Variants in TMEFF1 observed in about 807,000 individuals in gnomAD.
TMEFF1 encodes transmembrane protein with EGF like and two follistatin like domains 1, also known as tomoregulin-1.
In TMEFF1, 20 loss-of-function variants were observed where a neutral mutation model predicts 47.5. That is an observed-to-expected ratio of 0.42 (90% CI 0.30 to 0.61). The LOEUF is 0.61. Among genes scored for constraint, TMEFF1 ranks in the 20% least tolerant of loss-of-function variants. TMEFF1 has a pLI of 0.19. For missense variants in TMEFF1, 411 were observed against 471.1 expected (o/e 0.87, Z 1.18); for synonymous variants, 162 against 166.3 (o/e 0.97, Z 0.20).
At chr9:100,546,478 A>G (rs1424099793) in intron 5 of TMEFF1, among the ~76,000 whole-genome samples, 2 of 150,024 alleles carry the variant, frequency 1.3e-5, no homozygotes, top group African/African-American at 4.9e-5. Context: ...TGTGGGAGTT[A>G]CTATTCAAGA....
chr9:100,555,461 T>A (rs1838900054), intron 7 of TMEFF1, among the ~76,000 whole-genome samples: 1 of 152,188 alleles, frequency 6.6e-6, no homozygotes, highest in Non-Finnish European at 1.5e-5. Flanking sequence ...TTCCTACACA[T>A]CTCCTAGGAT....
At chr9:100,559,968 G>T (rs960888021) in intron 7 of TMEFF1, among the ~76,000 whole-genome samples, 2 of 151,958 alleles carry the variant, frequency 1.3e-5, no homozygotes, top group Admixed American at 1.3e-4. Context: ...CTGTCTATAT[G>T]TAAATTTTGA....
chr9:100,487,727 T>A (rs1837476481), intron 1 of TMEFF1, among the ~76,000 whole-genome samples: 1 of 152,004 alleles, frequency 6.6e-6, no homozygotes, highest in Non-Finnish European at 1.5e-5. Flanking sequence ...TTTATAAGGA[T>A]CTCTTATAAC....
chr9:100,560,887 A>G (rs966684964), intron 7 of TMEFF1, among the ~76,000 whole-genome samples: 2 of 152,220 alleles, frequency 1.3e-5, no homozygotes, highest in Non-Finnish European at 2.9e-5. Context: ...AAAAAAATCA[A>G]TGTGCTTGAT....
chr9:100,546,872 G>C (rs1838742010), intron 5 of TMEFF1, among the ~76,000 whole-genome samples: 1 of 151,986 alleles, frequency 6.6e-6, no homozygotes, highest in Non-Finnish European at 1.5e-5. Context: ...GACTTCTTTT[G>C]CCTTCTCTGT....
rs1330480268 is a variant in TMEFF1 at position 100,477,760 on chromosome 9, G to GGGACTACAGGCGC, written c.196+4021_196+4033dup. Among the ~76,000 whole-genome samples, 4 of 151,564 alleles carry GGGACTACAGGCGC rather than the reference G, an allele frequency of 2.6e-5. No individual in the cohort carries two copies. In the East Asian group the frequency reaches 7.8e-4, roughly 30 times the overall value. On this transcript the variant is annotated intron_variant, in intron 1 of 9. Transcript: ENST00000374879. ...CCTGCCTCAAGCCTCCCGAGTAGCT[G>GGGACTACAGGCGC]GGACTACAGGCGCACACCACCACGC...
At chr9:100,562,664 GT>G (rs1188883503) in intron 8 of TMEFF1, among the ~76,000 whole-genome samples, 1 of 147,084 alleles carries the variant, frequency 6.8e-6, no homozygotes, top group East Asian at 2.0e-4. Context: ...GTTTTGTTTT[GT>G]TTTGTTTTGA....
chr9:100,547,508 A>G (rs1019830707), intron 5 of TMEFF1, among the ~76,000 whole-genome samples: 1 of 152,234 alleles, frequency 6.6e-6, no homozygotes, highest in African/African-American at 2.4e-5. Flanking sequence ...TACTTTATCT[A>G]GATATGAAAA....
At chr9:100,538,335 C>A (rs1045562116) in intron 5 of TMEFF1, among the ~76,000 whole-genome samples, 16 of 152,220 alleles carry the variant, frequency 1.1e-4, no homozygotes, top group Admixed American at 7.9e-4. Flanking sequence ...GGATTACAGG[C>A]GTGAGCCTCT....
Position 100,473,483 on chromosome 9 carries a change from G to T in TMEFF1, c.-62G>T. The T allele has an allele frequency of 8.0e-7, 1 of 1,252,208 alleles. No homozygotes were observed. The highest frequency in any genetic ancestry group is 2.8e-5 in the South Asian group (1 of 35,946). 77.6% of individuals were successfully genotyped at this position (1,252,208 alleles called of 1,614,324 possible). A position where few individuals can be genotyped will look rare whatever the true frequency, so the allele number is the denominator to read the frequency against. ...CCGAGGCAGCGGCGGGGCTCTGGGC[G>T]CGCGGCTGGATGCCCCCGGCCTGCG... On this transcript the variant is annotated 5_prime_UTR_variant, in exon 1 of 10. Coordinates refer to ENST00000374879, the MANE Select transcript of TMEFF1 (RefSeq NM_003692.5). The surrounding 1 kb of genome is among the most constrained non-coding windows in gnomAD (Gnocchi z 5.4).
intron 5 of TMEFF1, among the ~76,000 whole-genome samples, chr9:100,543,063 G>C (rs1838664068): frequency 1.3e-5 from 2 of 151,830 alleles, no homozygotes; most frequent in Non-Finnish European, 2.9e-5. Context: ...TGAGTAGCTG[G>C]GATTACAGGC....
At chr9:100,576,062 C>T (rs982606818) in intron 9 of TMEFF1, among the ~76,000 whole-genome samples, 2 of 152,108 alleles carry the variant, frequency 1.3e-5, no homozygotes, top group Non-Finnish European at 2.9e-5. Context: ...ACACTTCTTC[C>T]TGATTTCTCC....
chr9:100,544,970 C>A (rs982172446), intron 5 of TMEFF1, among the ~76,000 whole-genome samples: 1 of 152,232 alleles, frequency 6.6e-6, no homozygotes, highest in Non-Finnish European at 1.5e-5. Flanking sequence ...TGGTCTTGGG[C>A]AGCTGCACCT....
chr9:100,511,783 G>A (rs1183035655), intron 3 of TMEFF1, among the ~76,000 whole-genome samples: 1 of 152,106 alleles, frequency 6.6e-6, no homozygotes, highest in Non-Finnish European at 1.5e-5. Flanking sequence ...TTTCTCAGTG[G>A]GGAGGTACTG....
rs1392010455 is a variant in TMEFF1, at chr9:100,491,497, CA to C, written c.197-7267del. 3.9e-5 allele frequency among the ~76,000 whole-genome samples: 6 copies of C among 152,264 alleles called. No homozygotes were observed. The East Asian group carries it at 1.2e-3, about 29-fold the overall frequency. ...CACATGTTAATAAGGCCTTAGGGAA[CA>C]TTAATTTATAGGACTTTCCCCAGCA... is the stretch of plus-strand genomic sequence containing the variant. On this transcript the variant is annotated intron_variant, in intron 1 of 9. Coordinates refer to ENST00000374879, the MANE Select transcript of TMEFF1 (RefSeq NM_003692.5).
At chr9:100,520,628 T>C (rs921388900) in intron 5 of TMEFF1, among the ~76,000 whole-genome samples, 5 of 152,262 alleles carry the variant, frequency 3.3e-5, no homozygotes, top group Admixed American at 3.3e-4. Context: ...AAACAGAATA[T>C]ACAGAACATG....
At chr9:100,569,924 A>G (rs1399177723) in intron 8 of TMEFF1, among the ~76,000 whole-genome samples, 1 of 152,184 alleles carries the variant, frequency 6.6e-6, no homozygotes, top group Non-Finnish European at 1.5e-5. Flanking sequence ...TCCCCTGACC[A>G]ACATGTCCTC....
At chr9:100,478,815 T>C (rs1267060160) in intron 1 of TMEFF1, among the ~76,000 whole-genome samples, 1 of 152,224 alleles carries the variant, frequency 6.6e-6, no homozygotes, top group East Asian at 1.9e-4. Flanking sequence ...TGGTCCTTTT[T>C]GGCTCTGGGA....
chr9:100,561,633 C>A, intron 8 of TMEFF1, 113 bp downstream of exon 8: 2 of 1,334,672 alleles, frequency 1.5e-6, no homozygotes, highest in Non-Finnish European at 1.9e-6. Context: ...TGTTTATTTG[C>A]AGTAGACAAG....
Sources: gnomAD v4.1 joint callset for allele counts (sites outside exome capture counted in the v4.1 genomes callset) on GRCh38, gnomAD v4.1.1 for gene constraint, Gnocchi (gnomAD v3.1) non-coding constraint, MANE v1.5 for transcripts, NCBI Gene and HGNC (gene_info 2026-07-23, HGNC 2026-07-21) for gene names.